FHIT: variants seen among roughly 807,000 people sequenced by gnomAD.
FHIT encodes the protein fragile histidine triad diadenosine triphosphatase, also known as bis(5'-adenosyl)-triphosphatase.
FHIT carries 19 observed loss-of-function variants against 17.9 expected under a neutral mutation model. The ratio of observed to expected loss-of-function variants is 1.06; its 90% CI spans 0.74 to 1.56. The LOEUF is 1.56. Ranked by LOEUF, FHIT falls within the 40% of genes most tolerant of loss-of-function variation. FHIT has a pLI of 0.00. For synonymous variants in FHIT, 81 were observed against 69.7 expected, an observed-to-expected ratio of 1.16 and a Z score of -0.81; for missense variants, 248 against 189.2, an observed-to-expected ratio of 1.31 and a Z score of -1.82.
At chr3:60,493,199 T>G (rs2034140900) in intron 5 of FHIT, among the ~76,000 whole-genome samples, 1 of 152,108 alleles carries the variant, frequency 6.6e-6, no homozygotes. Context: ...GAAATTGACT[T>G]AAGGACAATA....
chr3:59,891,454 G>C (rs1448390235), intron 8 of FHIT, among the ~76,000 whole-genome samples: 2 of 152,240 alleles, frequency 1.3e-5, no homozygotes, highest in Non-Finnish European at 2.9e-5. Context: ...AGCAACCTGA[G>C]AAGGACTGAG....
intron 8 of FHIT, among the ~76,000 whole-genome samples, chr3:59,793,148 T>C (rs1423638480): frequency 6.6e-6 from 1 of 152,138 alleles, no homozygotes; most frequent in African/African-American, 2.4e-5. Flanking sequence ...TTGCAAAGCC[T>C]TCCCCCTGAC....
rs1553712872 is a variant in FHIT, at chr3:59,908,850, T to TTTTTTTTTTTTTTTTTTTTGAG, written c.348+13495_348+13496insCTCAAAAAAAAAAAAAAAAAAA. ...TGGGAGTCAAGAACATTTCATTTTT[T>TTTTTTTTTTTTTTTTTTTTGAG]AATAGTCCAACTGGTGACTGTGAAA... On this transcript the variant is annotated intron_variant, in intron 8 of 9. Transcript: ENST00000492590. Among the ~76,000 whole-genome samples, 217 of 150,100 alleles carry TTTTTTTTTTTTTTTTTTTTGAG rather than the reference T, an allele frequency of 1.4e-3. 2 individuals carry two copies. The highest frequency in any genetic ancestry group is 1.7e-3 in the African/African-American group (70 of 41,010).
chr3:60,535,840 G>A (rs1423058225), intron 5 of FHIT: 1 of 146,348 alleles, frequency 6.8e-6, no homozygotes, highest in African/African-American at 2.5e-5. Context: ...CAATAGTTAC[G>A]TGGCTAGAAA....
intron 5 of FHIT, among the ~76,000 whole-genome samples, chr3:60,289,442 T>G (rs1707879159): frequency 6.6e-6 from 1 of 152,144 alleles, no homozygotes; most frequent in Admixed American, 6.6e-5. Flanking sequence ...AAGATCCTTG[T>G]GGATTATAAA....
At chr3:60,438,490 G>A (rs1364412958) in intron 5 of FHIT, among the ~76,000 whole-genome samples, 3 of 152,088 alleles carry the variant, frequency 2.0e-5, no homozygotes, top group African/African-American at 7.2e-5. Flanking sequence ...CTCTCAGGGT[G>A]TACTGTCTAT....
intron 3 of FHIT, among the ~76,000 whole-genome samples, chr3:60,862,959 C>T (rs972231548): frequency 1.3e-5 from 2 of 151,982 alleles, no homozygotes; most frequent in Non-Finnish European, 1.5e-5. Context: ...AGTCAACCGA[C>T]TTTAACATAG....
intron 5 of FHIT, among the ~76,000 whole-genome samples, chr3:60,049,458 T>C (rs1262200122): frequency 1.5e-5 from 1 of 67,360 alleles, no homozygotes; most frequent in African/African-American, 3.6e-5. Context: ...TTGATGAATC[T>C]TCTTTTTTCA....
intron 8 of FHIT, among the ~76,000 whole-genome samples, chr3:59,805,085 CT>C (rs1475991995): frequency 1.3e-5 from 2 of 152,080 alleles, no homozygotes; most frequent in African/African-American, 4.8e-5. Context: ...CCTCCTCTGT[CT>C]AGCTTGAAGC....
intron 5 of FHIT, among the ~76,000 whole-genome samples, chr3:60,441,250 T>C (rs959710006): frequency 6.6e-6 from 1 of 152,120 alleles, no homozygotes; most frequent in Non-Finnish European, 1.5e-5. Flanking sequence ...CCTCTTCAGA[T>C]TCCTTCTTGG....
At chr3:59,848,713 C>T (rs2106781362) in intron 8 of FHIT, among the ~76,000 whole-genome samples, 1 of 152,304 alleles carries the variant, frequency 6.6e-6, no homozygotes, top group Admixed American at 6.5e-5. Flanking sequence ...TAATGCCATT[C>T]AACTTGCTGG....
chr3:59,791,383 G>A (rs751330137), intron 8 of FHIT, among the ~76,000 whole-genome samples: 1 of 152,134 alleles, frequency 6.6e-6, no homozygotes, highest in African/African-American at 2.4e-5. Context: ...GTGAGCCTCC[G>A]GCTGCTGGTG....
At chr3:60,049,446 T>C in intron 5 of FHIT, among the ~76,000 whole-genome samples, 1 of 130,102 alleles carries the variant, frequency 7.7e-6, no homozygotes, top group East Asian at 2.0e-4. Flanking sequence ...TTTTGGAATA[T>C]CTTGATGAAT....
chr3:60,470,779 G>A (rs1485267448), intron 5 of FHIT, among the ~76,000 whole-genome samples: 1 of 152,008 alleles, frequency 6.6e-6, no homozygotes, highest in Non-Finnish European at 1.5e-5. Context: ...CAAGCAGAAG[G>A]GATCTCTCCC....
At chr3:60,936,617 T>A (rs1018279948) in intron 3 of FHIT, among the ~76,000 whole-genome samples, 4 of 152,234 alleles carry the variant, frequency 2.6e-5, no homozygotes, top group African/African-American at 4.8e-5. Context: ...CTTTTGATTT[T>A]TTATAACATA....
chr3:60,040,484 C>G (rs1701392851), intron 5 of FHIT, among the ~76,000 whole-genome samples: 1 of 152,056 alleles, frequency 6.6e-6, no homozygotes, highest in African/African-American at 2.4e-5. Context: ...TACCATAACT[C>G]AGTGATAATT....
intron 4 of FHIT, among the ~76,000 whole-genome samples, chr3:60,741,277 T>C (rs2042235613): frequency 6.6e-6 from 1 of 152,202 alleles, no homozygotes; most frequent in Admixed American, 6.5e-5. Flanking sequence ...ACCTACTGTG[T>C]TGTGCCAAGT....
At chr3:61,081,713 G>C (rs2035142416) in intron 2 of FHIT, among the ~76,000 whole-genome samples, 1 of 152,080 alleles carries the variant, frequency 6.6e-6, no homozygotes, top group Non-Finnish European at 1.5e-5. Context: ...TCTTCTATGA[G>C]GACACCATTC....
At chr3:60,842,907 G>A (rs539154992) in intron 3 of FHIT, among the ~76,000 whole-genome samples, 1 of 152,054 alleles carries the variant, frequency 6.6e-6, no homozygotes, top group African/African-American at 2.4e-5. Flanking sequence ...TGTCAGGGGT[G>A]CTATTAAGTA....
Sources: allele counts gnomAD v4.1 joint callset (sites outside exome capture counted in the v4.1 genomes callset), GRCh38; gene constraint gnomAD v4.1.1; transcripts MANE v1.5; gene names NCBI Gene and HGNC (gene_info 2026-07-23, HGNC 2026-07-21).